ARMH4: variants seen among roughly 807,000 people sequenced by gnomAD.
ARMH4 encodes the protein armadillo like helical domain containing 4, also known as armadillo-like helical domain-containing protein 4.
A neutral mutation model predicts 61.9 loss-of-function variants in ARMH4; 49 were observed. The observed-to-expected ratio is 0.79, with a 90% CI of 0.63 to 1.00. The LOEUF (loss-of-function observed/expected upper bound fraction) is 1.00, where lower values mean the gene tolerates loss of function less well. ARMH4 is among the 50% of genes least tolerant of loss of function. ARMH4 has a pLI of 0.00. For synonymous variants in ARMH4, 368 were observed against 341.5 expected (o/e 1.08, Z -0.85); for missense variants, 934 against 930.0 (o/e 1.00, Z -0.06).
intron 5 of ARMH4, among the ~76,000 whole-genome samples, chr14:58,082,409 G>C (rs1250100459): frequency 6.6e-6 from 1 of 152,158 alleles, no homozygotes; most frequent in Non-Finnish European, 1.5e-5. Context: ...GCTTCACTTT[G>C]CACACATAGA....
chr14:58,146,556 C>T (rs1887735853), intron 1 of ARMH4, among the ~76,000 whole-genome samples: 1 of 152,246 alleles, frequency 6.6e-6, no homozygotes, highest in Non-Finnish European at 1.5e-5. Flanking sequence ...AAACAATTTA[C>T]TGCATTTCTG....
intron 6 of ARMH4, among the ~76,000 whole-genome samples, chr14:58,011,568 G>A (rs934344471): frequency 5.3e-5 from 8 of 152,018 alleles, no homozygotes; most frequent in Admixed American, 1.3e-4. Flanking sequence ...GTGAAAACTT[G>A]GAGAGGATTG....
rs1881963046 is a variant in ARMH4, at chr14:58,000,964, A to G, written c.*3772T>C. The G allele has an allele frequency of 6.6e-6, 1 of 152,230 alleles. No individual in the cohort carries two copies. Among genetic ancestry groups the G allele is most frequent in the Non-Finnish European group, 1.5e-5 (1 of 68,036 alleles). 9.4% of individuals were successfully genotyped at this position (152,230 alleles called of 1,614,324 possible). ...GCACTATGTTATACAGCAGAGCTCT[A>G]GAACTTATTCATCTTGCATAACTGA... On this transcript the variant is annotated 3_prime_UTR_variant, in exon 8 of 8. Coordinates refer to ENST00000267485, the MANE Select transcript of ARMH4 (RefSeq NM_001001872.4).
chr14:58,090,879 CAAAA>C (rs561257563), intron 5 of ARMH4, among the ~76,000 whole-genome samples: 1 of 59,282 alleles, frequency 1.7e-5, no homozygotes, highest in Non-Finnish European at 3.4e-5. Context: ...GACCCTGTCT[CAAAA>C]AAAAAAAAAA....
Position 58,138,268 on chromosome 14 carries a change from T to C in ARMH4, c.1091A>G (p.Gln364Arg). ...EGGQPWTEAA[Q>R]VALGLPEGET... ...CCCTTCAGGCAGCCCCAGAGCCACC[T>C]GTGCAGCCTCTGTCCAAGGCTGGCC... Residue 364 changes from glutamine (Q) to arginine (R), a missense_variant, in exon 2 of 8, where the codon CAG becomes CGG. Physicochemically the swap from Gln to Arg is conservative, Grantham distance 43 (BLOSUM62 1). Coordinates refer to ENST00000267485, the MANE Select transcript of ARMH4 (RefSeq NM_001001872.4). 6.2e-7 allele frequency: 1 copy of C among 1,614,256 alleles called. No homozygotes were observed. Among genetic ancestry groups the C allele is most frequent in the Non-Finnish European group, 8.5e-7 (1 of 1,180,038 alleles).
In ARMH4 at chr14:58,138,794, T is replaced by G; in HGVS notation, c.565A>C (p.Asn189His). 6.2e-7 allele frequency: 1 copy of G among 1,614,230 alleles called. No homozygotes were observed. The highest frequency in any genetic ancestry group is 8.5e-7 in the Non-Finnish European group (1 of 1,180,036). Residue 189 changes from asparagine (N) to histidine (H), a missense_variant, in exon 2 of 8, where the codon AAT (asparagine) becomes CAT (histidine). Coordinates refer to ENST00000267485, the MANE Select transcript of ARMH4 (RefSeq NM_001001872.4). The stretch of plus-strand genomic sequence containing the variant: ...TGACTTTCAGTTGCAAATGATTGAT[T>G]ATCCATATACTTCAGAAAACCTTTT... ...TTKGFLKYMD[N>H]QSFATESQEG...
intron 4 of ARMH4, among the ~76,000 whole-genome samples, chr14:58,107,384 T>G (rs1321608510): frequency 6.6e-6 from 1 of 152,240 alleles, no homozygotes; most frequent in African/African-American, 2.4e-5. Flanking sequence ...CATCATCTTT[T>G]GCCTATTTAT....
chr14:58,129,425 T>A lies in ARMH4; in HGVS notation c.1831+2087A>T, dbSNP rs573667019. Among the ~76,000 whole-genome samples the A allele has an allele frequency of 1.8e-4, 27 of 152,184 alleles. 1 individual carries two copies. The highest frequency in any genetic ancestry group is 6.3e-4 in the African/African-American group (26 of 41,508). On this transcript the variant is annotated intron_variant, in intron 4 of 7. Coordinates refer to ENST00000267485, the MANE Select transcript of ARMH4 (RefSeq NM_001001872.4). ...GCCCCCTAGTGAAAAAGGAAGATATTAAAATAACATATAAACTCATCACAA... is the reference window on the plus strand; with the variant it reads ...GCCCCCTAGTGAAAAAGGAAGATATAAAAATAACATATAAACTCATCACAA...
At chr14:58,081,338 C>T (rs533499915) in intron 5 of ARMH4, among the ~76,000 whole-genome samples, 42 of 152,112 alleles carry the variant, frequency 2.8e-4, no homozygotes, top group African/African-American at 9.6e-4. Context: ...GATCTGTGTG[C>T]ACATTAATGG....
At chr14:58,137,000 T>C (rs1236936940) in intron 2 of ARMH4, among the ~76,000 whole-genome samples, 1 of 152,218 alleles carries the variant, frequency 6.6e-6, no homozygotes. Flanking sequence ...TTGTAAGAAA[T>C]GTAAGGGATG....
chr14:58,083,791 C>G (rs1242857801), intron 5 of ARMH4, among the ~76,000 whole-genome samples: 5 of 152,190 alleles, frequency 3.3e-5, no homozygotes, highest in Non-Finnish European at 7.3e-5. Flanking sequence ...TGGAAAAAGT[C>G]AGTCTTGCAT....
At chr14:58,067,352 C>T (rs934911138) in intron 5 of ARMH4, among the ~76,000 whole-genome samples, 1 of 152,136 alleles carries the variant, frequency 6.6e-6, no homozygotes, top group Non-Finnish European at 1.5e-5. Context: ...CTGGAGCTTC[C>T]AATCTAGTGG....
At chr14:58,047,566 A>C (rs1883984591) in intron 5 of ARMH4, among the ~76,000 whole-genome samples, 1 of 152,216 alleles carries the variant, frequency 6.6e-6, no homozygotes, top group Non-Finnish European at 1.5e-5. Flanking sequence ...CTTCTTGCCC[A>C]AAATCACACA....
At chr14:58,150,831 G>C (rs1481677621) in intron 1 of ARMH4, among the ~76,000 whole-genome samples, 3 of 152,198 alleles carry the variant, frequency 2.0e-5, no homozygotes, top group Non-Finnish European at 4.4e-5. Context: ...TTCTGATACT[G>C]TGAAACCTTA....
intron 4 of ARMH4, among the ~76,000 whole-genome samples, chr14:58,118,550 G>A (rs1886612506): frequency 6.6e-6 from 1 of 151,642 alleles, no homozygotes; most frequent in South Asian, 2.1e-4. Flanking sequence ...CTTTACATAG[G>A]GGGAAAAAAA....
At chr14:58,144,459 C>G (rs977297664) in intron 1 of ARMH4, among the ~76,000 whole-genome samples, 2 of 152,082 alleles carry the variant, frequency 1.3e-5, no homozygotes, top group Non-Finnish European at 2.9e-5. Context: ...GTGGGAGAAT[C>G]ACTTGAGCCC....
chr14:58,096,113 G>A (rs1472465618), intron 5 of ARMH4, among the ~76,000 whole-genome samples: 1 of 152,158 alleles, frequency 6.6e-6, no homozygotes, highest in Non-Finnish European at 1.5e-5. Flanking sequence ...ATGAATAAGA[G>A]AGAGTGAGCA....
At chr14:58,050,499 AG>A in intron 5 of ARMH4, among the ~76,000 whole-genome samples, 1 of 152,346 alleles carries the variant, frequency 6.6e-6, no homozygotes, top group South Asian at 2.1e-4. Flanking sequence ...GAATTGATCA[AG>A]GGGGAACACA....
chr14:58,149,253 C>G (rs1000521532), intron 1 of ARMH4, among the ~76,000 whole-genome samples: 1 of 152,186 alleles, frequency 6.6e-6, no homozygotes, highest in Non-Finnish European at 1.5e-5. Context: ...GTTTCTGATT[C>G]ACTGTGCTAC....
Sources: gnomAD v4.1 joint callset for allele counts (sites outside exome capture counted in the v4.1 genomes callset) on GRCh38, gnomAD v4.1.1 for gene constraint, MANE v1.5 for transcripts, NCBI Gene and HGNC (gene_info 2026-07-23, HGNC 2026-07-21) for gene names.